The following CTNNA3 variants were observed in gnomAD, a reference collection of about 807,000 sequenced individuals.
The protein encoded by CTNNA3 is catenin alpha-3.
In CTNNA3, 76 loss-of-function variants were observed where a neutral mutation model predicts 95.7. That is an observed-to-expected ratio of 0.79 (90% CI 0.66 to 0.96). The LOEUF is 0.96. Among genes scored for constraint, CTNNA3 ranks in the 40% least tolerant of loss-of-function variants. The pLI is 0.00. For missense variants in CTNNA3, 1,191 were observed against 1,089.8 expected (o/e 1.09, Z -1.31); for synonymous variants, 431 against 374.4 (o/e 1.15, Z -1.74).
At chr10:66,133,919 C>G (rs879944780) in intron 13 of CTNNA3, among the ~76,000 whole-genome samples, 6 of 151,940 alleles carry the variant, frequency 3.9e-5, no homozygotes, top group Non-Finnish European at 8.8e-5. Flanking sequence ...AAGTAACATA[C>G]AGAAATAGAA....
Position 67,477,056 on chromosome 10 carries a change from G to A in CTNNA3, c.579+44786C>T, listed in dbSNP as rs75350122. ...CTGTTAATCTGATTTAACAGCCTGA[G>A]CTGCCCAACCCTTCCTGTGCAGAGA... is the stretch of plus-strand genomic sequence containing the variant. On this transcript the variant is annotated intron_variant, in intron 5 of 17. Coordinates refer to ENST00000433211, the MANE Select transcript of CTNNA3 (RefSeq NM_013266.4). Among the ~76,000 whole-genome samples the A allele has an allele frequency of 5.9e-3, 903 of 152,178 alleles. 19 individuals are homozygous for A. In the East Asian group the frequency reaches 0.069, roughly 12 times the overall value.
intron 12 of CTNNA3, among the ~76,000 whole-genome samples, chr10:66,305,007 T>C (rs771028642): frequency 6.6e-6 from 1 of 152,150 alleles, no homozygotes; most frequent in African/African-American, 2.4e-5. Context: ...TCCTCTCCCT[T>C]CTGCCTCTCC....
chr10:67,719,950 T>A (rs1244740355), intron 1 of CTNNA3, among the ~76,000 whole-genome samples: 2 of 151,842 alleles, frequency 1.3e-5, no homozygotes, highest in Non-Finnish European at 2.9e-5. Context: ...TCTTTGTAGG[T>A]CTCTAAGAAC....
At chr10:66,689,582 T>G (rs1026625334) in intron 9 of CTNNA3, among the ~76,000 whole-genome samples, 2 of 152,172 alleles carry the variant, frequency 1.3e-5, no homozygotes, top group African/African-American at 4.8e-5. Flanking sequence ...AATATTATGG[T>G]CAGTTTTCTA....
intron 5 of CTNNA3, among the ~76,000 whole-genome samples, chr10:67,470,971 T>G (rs950867289): frequency 2.6e-5 from 4 of 151,734 alleles, no homozygotes; most frequent in African/African-American, 9.7e-5. Flanking sequence ...TATTTATTTA[T>G]TTATTTATTT....
At chr10:67,224,169 CA>C (rs1204762168) in intron 5 of CTNNA3, among the ~76,000 whole-genome samples, 3 of 152,148 alleles carry the variant, frequency 2.0e-5, no homozygotes, top group Non-Finnish European at 4.4e-5. Context: ...TAACTGTCTT[CA>C]CCATGCTGTG....
At position 66,700,701 on chromosome 10, in the gene CTNNA3, TAA is replaced by T. The variant is rs144236989; in HGVS notation, c.1281+65561_1281+65562del. 5.3e-3 allele frequency among the ~76,000 whole-genome samples: 803 copies of T among 152,302 alleles called. 7 individuals are homozygous for T. The highest frequency in any genetic ancestry group is 0.013 in the African/African-American group (561 of 41,562). ...TATGTCCATCATTCTAAATTAATTA[TAA>T]GAGTGAAGTTATGCCCTAAATTGTT... On this transcript the variant is annotated intron_variant, in intron 9 of 17. Transcript: ENST00000433211.
chr10:67,464,384 T>A (rs1432868296), intron 5 of CTNNA3, among the ~76,000 whole-genome samples: 1 of 152,188 alleles, frequency 6.6e-6, no homozygotes, highest in East Asian at 1.9e-4. Flanking sequence ...CCCAATTATC[T>A]TTCTTGTGAC....
chr10:67,070,148 GAAGTT>G (rs1414607387), intron 7 of CTNNA3, among the ~76,000 whole-genome samples: 1 of 152,118 alleles, frequency 6.6e-6, no homozygotes, highest in East Asian at 1.9e-4. Context: ...AATGATTGTT[GAAGTT>G]AAGTTCTTTT....
intron 3 of CTNNA3, among the ~76,000 whole-genome samples, chr10:67,555,391 G>T (rs570698219): frequency 6.6e-6 from 1 of 152,292 alleles, no homozygotes; most frequent in East Asian, 1.9e-4. Context: ...CATGAGCATG[G>T]AATGTTCTTC....
chr10:66,061,887 A>C (rs2080208180), intron 15 of CTNNA3, among the ~76,000 whole-genome samples: 1 of 152,172 alleles, frequency 6.6e-6, no homozygotes, highest in Admixed American at 6.6e-5. Context: ...GTTTAACAAC[A>C]CATAACATAA....
chr10:66,610,103 T>C (rs1243470446), intron 10 of CTNNA3, among the ~76,000 whole-genome samples: 1 of 151,210 alleles, frequency 6.6e-6, no homozygotes, highest in Non-Finnish European at 1.5e-5. Context: ...TGCTGAAGAG[T>C]AGAGGATGGG....
intron 2 of CTNNA3, among the ~76,000 whole-genome samples, chr10:67,624,615 G>A (rs1843965864): frequency 6.6e-6 from 1 of 152,044 alleles, no homozygotes; most frequent in African/African-American, 2.4e-5. Context: ...AACTTCAGAG[G>A]GCAAAGAGGA....
chr10:66,255,002 G>A (rs980438205), intron 13 of CTNNA3, among the ~76,000 whole-genome samples: 1 of 152,174 alleles, frequency 6.6e-6, no homozygotes, highest in Non-Finnish European at 1.5e-5. Context: ...TTCCAAGGGT[G>A]GCAAGTCCAC....
At chr10:67,243,791 C>A (rs1365521314) in intron 5 of CTNNA3, among the ~76,000 whole-genome samples, 8 of 152,334 alleles carry the variant, frequency 5.3e-5, no homozygotes, top group Non-Finnish European at 1.0e-4. Context: ...CTATCACACA[C>A]AGACTTCACT....
At chr10:66,325,248 T>C (rs2092240411) in intron 12 of CTNNA3, among the ~76,000 whole-genome samples, 1 of 152,080 alleles carries the variant, frequency 6.6e-6, no homozygotes, top group African/African-American at 2.4e-5. Context: ...CTGTTTTCTG[T>C]ACATTAAAGG....
chr10:65,980,424 T>A (rs1021523429), intron 16 of CTNNA3, among the ~76,000 whole-genome samples: 1 of 151,258 alleles, frequency 6.6e-6, no homozygotes, highest in Non-Finnish European at 1.5e-5. Flanking sequence ...TTGATACCAA[T>A]CCGATTGACA....
At chr10:65,932,336 C>T (rs74140874) in intron 17 of CTNNA3, among the ~76,000 whole-genome samples, 3,993 of 152,224 alleles carry the variant, frequency 0.026, 159 homozygotes, top group African/African-American at 0.091. Flanking sequence ...ACTCCTTTAT[C>T]AATTGTTATT....
intron 11 of CTNNA3, among the ~76,000 whole-genome samples, chr10:66,485,764 C>T (rs752247381): frequency 1.3e-5 from 2 of 151,992 alleles, no homozygotes; most frequent in Admixed American, 6.6e-5. Flanking sequence ...CACGGATCCA[C>T]AAAAGACCAT....
Sources: allele counts gnomAD v4.1 joint callset (sites outside exome capture counted in the v4.1 genomes callset), GRCh38; gene constraint gnomAD v4.1.1; transcripts MANE v1.5; gene names NCBI Gene and HGNC (gene_info 2026-07-23, HGNC 2026-07-21).